Variants in RBPJ observed in about 807,000 individuals in gnomAD.
RBPJ encodes recombination signal binding protein for immunoglobulin kappa J region.
Under a neutral mutation model 67.8 loss-of-function variants are expected in RBPJ, and 9 were observed. That is an observed-to-expected ratio of 0.13 (90% CI 0.08 to 0.23). The LOEUF is 0.23. Ranked by LOEUF, RBPJ falls within the 10% of genes least tolerant of loss-of-function variation. The pLI is 1.00. For synonymous variants in RBPJ, 198 were observed against 203.3 expected (o/e 0.97, Z 0.22); for missense variants, 305 against 595.6 (o/e 0.51, Z 5.08).
chr4:26,294,966 A>G (rs1185768791), intron 1 of RBPJ, among the ~76,000 whole-genome samples: 1 of 152,194 alleles, frequency 6.6e-6, no homozygotes, highest in African/African-American at 2.4e-5. Context: ...GATGACGGAA[A>G]GAGGAATCAG....
chr4:26,421,514 G>A (rs1292702736), intron 5 of RBPJ, among the ~76,000 whole-genome samples: 1 of 152,054 alleles, frequency 6.6e-6, no homozygotes, highest in Admixed American at 6.6e-5. Context: ...ATTTGGCCAG[G>A]CTGGTCTTGA....
chr4:26,118,082 A>G, the RBPJ span, among the ~76,000 whole-genome samples: 2 of 152,124 alleles, frequency 1.3e-5, no homozygotes, highest in Admixed American at 1.3e-4. Flanking sequence ...TTTTACTTCT[A>G]CAAACTTGCT....
At chr4:26,240,333 C>A (rs1488262987) in intron 1 of RBPJ, among the ~76,000 whole-genome samples, 1 of 152,174 alleles carries the variant, frequency 6.6e-6, no homozygotes, top group African/African-American at 2.4e-5. Context: ...TGGGATACCC[C>A]GTCTGGGTCA....
At chr4:26,320,788 A>T, upstream of RBPJ, 1 of 1,555,516 alleles carries the variant, frequency 6.4e-7, no homozygotes, top group Non-Finnish European at 8.7e-7. Flanking sequence ...CCCGCGGAGG[A>T]GCCGCCTGCG....
At chr4:26,400,050 T>C (rs1732609055) in intron 2 of RBPJ, among the ~76,000 whole-genome samples, 2 of 152,228 alleles carry the variant, frequency 1.3e-5, no homozygotes, top group African/African-American at 2.4e-5. Flanking sequence ...ATTTACCTTA[T>C]GTTTTAAAGT....
At chr4:26,388,527 A>T (rs1731152601) in intron 2 of RBPJ, among the ~76,000 whole-genome samples, 1 of 152,176 alleles carries the variant, frequency 6.6e-6, no homozygotes, top group Admixed American at 6.5e-5. Flanking sequence ...GGTGGGTAGG[A>T]TTTGGCCTAC....
intron 1 of RBPJ, among the ~76,000 whole-genome samples, chr4:26,376,138 A>G (rs1729705479): frequency 6.6e-6 from 1 of 152,324 alleles, no homozygotes; most frequent in African/African-American, 2.4e-5. Context: ...ATGTAAAATT[A>G]ACCATTTTAA....
At chr4:26,287,575 A>AG (rs1560245299) in intron 1 of RBPJ, among the ~76,000 whole-genome samples, 1 of 37,496 alleles carries the variant, frequency 2.7e-5, no homozygotes, top group African/African-American at 1.8e-4. Context: ...AAAGGAAAGG[A>AG]AAGGACAGGA....
intron 2 of RBPJ, among the ~76,000 whole-genome samples, chr4:26,403,596 T>TCA (rs1202914058): frequency 1.3e-5 from 2 of 152,348 alleles, no homozygotes; most frequent in East Asian, 3.9e-4. Flanking sequence ...TCATAAGTTC[T>TCA]CATCATTTAG....
At chr4:26,146,982 C>T in the RBPJ span, among the ~76,000 whole-genome samples, 2 of 152,194 alleles carry the variant, frequency 1.3e-5, no homozygotes, top group African/African-American at 2.4e-5. Flanking sequence ...AAAGGAACAA[C>T]GGCTCCGTCA....
intron 1 of RBPJ, among the ~76,000 whole-genome samples, chr4:26,168,891 G>A (rs1716431343): frequency 1.3e-5 from 2 of 151,892 alleles, no homozygotes; most frequent in South Asian, 2.1e-4. Context: ...CATTCTTCAC[G>A]TAGTTCTCAA....
chr4:26,244,796 G>A (rs1048473168), intron 1 of RBPJ, among the ~76,000 whole-genome samples: 4 of 151,668 alleles, frequency 2.6e-5, no homozygotes, highest in Non-Finnish European at 5.9e-5. Context: ...CCACACACCC[G>A]GCTAATTTTG....
At chr4:26,402,199 T>C (rs927286684) in intron 2 of RBPJ, among the ~76,000 whole-genome samples, 37 of 152,188 alleles carry the variant, frequency 2.4e-4, no homozygotes, top group African/African-American at 8.9e-4. Context: ...GCTTTTGTTT[T>C]CTGATTCACC....
the RBPJ span, among the ~76,000 whole-genome samples, chr4:26,153,734 AG>A: frequency 6.6e-6 from 1 of 152,160 alleles, no homozygotes; most frequent in South Asian, 2.1e-4. Context: ...ATTATAACTT[AG>A]GCCGTTTTTC....
At chr4:26,267,674 C>T (rs1028367591) in intron 1 of RBPJ, among the ~76,000 whole-genome samples, 1 of 152,026 alleles carries the variant, frequency 6.6e-6, no homozygotes, top group Non-Finnish European at 1.5e-5. Context: ...GTGGCACGAT[C>T]TCGGCTCACT....
chr4:26,191,936 A>G (rs1190176449), intron 1 of RBPJ, among the ~76,000 whole-genome samples: 2 of 152,120 alleles, frequency 1.3e-5, no homozygotes, highest in African/African-American at 4.8e-5. Context: ...AGGGATACCA[A>G]TCTCAGGCCT....
rs1221805857 is a variant in RBPJ at position 26,205,853 on chromosome 4, A to C, written c.-167+42239A>C. ...AGTGATCTGCTCACTTCATCCTCCCAAAATGCTGGGATTACAGACATGAGC... is the reference window on the plus strand; with the variant it reads ...AGTGATCTGCTCACTTCATCCTCCCCAAATGCTGGGATTACAGACATGAGC... On this transcript the variant is annotated intron_variant, in intron 1 of 4. Transcript: ENST00000512351. Among the ~76,000 whole-genome samples the C allele has an allele frequency of 2.0e-5, 3 of 152,218 alleles. No individual in the cohort carries two copies. The South Asian group carries it at 6.2e-4, about 32-fold the overall frequency.
At chr4:26,261,744 G>C (rs890270060) in intron 1 of RBPJ, among the ~76,000 whole-genome samples, 3 of 152,138 alleles carry the variant, frequency 2.0e-5, no homozygotes, top group Non-Finnish European at 1.5e-5. Flanking sequence ...GCTCTATCAG[G>C]ACTAGTTATG....
chr4:26,208,754 T>C (rs1449456132), intron 1 of RBPJ, among the ~76,000 whole-genome samples: 2 of 152,170 alleles, frequency 1.3e-5, no homozygotes, highest in Admixed American at 1.3e-4. Context: ...ATATTCCATG[T>C]AAATAGACAT....
Sources: gnomAD v4.1 joint callset for allele counts (sites outside exome capture counted in the v4.1 genomes callset) on GRCh38, gnomAD v4.1.1 for gene constraint, MANE v1.5 for transcripts, NCBI Gene and HGNC (gene_info 2026-07-23, HGNC 2026-07-21) for gene names.